Variants in PDK1 observed in about 807,000 individuals in gnomAD.
PDK1 encodes the protein [Pyruvate dehydrogenase (acetyl-transferring)] kinase isozyme 1, mitochondrial.
Under a neutral mutation model 54.2 loss-of-function variants are expected in PDK1, and 39 were observed. The ratio of observed to expected loss-of-function variants is 0.72; its 90% CI spans 0.56 to 0.94. The LOEUF is 0.94. PDK1 is among the 40% of genes least tolerant of loss of function. PDK1 has a pLI of 0.00. For synonymous variants in PDK1, 221 were observed against 207.1 expected, an observed-to-expected ratio of 1.07 and a Z score of -0.58; for missense variants, 552 against 566.0, an observed-to-expected ratio of 0.98 and a Z score of 0.25.
rs753072433 is a variant in PDK1 at position 172,595,950 on chromosome 2, C to T, written c.1292C>T (p.Thr431Met). The T allele has an allele frequency of 5.5e-5, 88 of 1,611,902 alleles. No individual in the cohort carries two copies. Among genetic ancestry groups the T allele is most frequent in the East Asian group, 8.9e-5 (4 of 44,864 alleles). ...CCCAGCAGAGAACCCAAAGACATGA[C>T]GACGTTCCGCAGTGCCTAGACACAC... ...CVPSREPKDM[T>M]TFRSA is the part of the protein sequence containing the mutation. Residue 431 changes from threonine (T) to methionine (M), a missense_variant, in exon 11 of 11, where the codon ACG becomes ATG. Transcript: ENST00000282077.
At chr2:172,715,204 C>T in the PDK1 span, among the ~76,000 whole-genome samples, 17 of 152,312 alleles carry the variant, frequency 1.1e-4, no homozygotes, top group East Asian at 3.3e-3. Context: ...CACTGACACC[C>T]CAGGCCAAGA....
At chr2:172,634,464 G>C in the PDK1 span, among the ~76,000 whole-genome samples, 523 of 151,372 alleles carry the variant, frequency 3.5e-3, 1 homozygote, top group Non-Finnish European at 5.3e-3. Context: ...GTAGAGACAG[G>C]GTTTCACCAT....
the PDK1 span, among the ~76,000 whole-genome samples, chr2:172,673,721 T>G: frequency 1.1e-3 from 163 of 152,186 alleles, no homozygotes; most frequent in Non-Finnish European, 7.3e-5. Flanking sequence ...GTCTGACATA[T>G]TGATAAAAGG....
downstream of PDK1, among the ~76,000 whole-genome samples, chr2:172,611,628 T>C (rs1691463261): frequency 2.6e-5 from 4 of 152,218 alleles, no homozygotes; most frequent in South Asian, 8.3e-4. Flanking sequence ...TTAATCTTTC[T>C]CATGAACTTA....
the PDK1 span, among the ~76,000 whole-genome samples, chr2:172,712,537 G>A: frequency 6.6e-6 from 1 of 152,214 alleles, no homozygotes; most frequent in East Asian, 1.9e-4. Flanking sequence ...GCGGTGGGGT[G>A]GGCAGTTCCA....
chr2:172,629,815 AG>A, the PDK1 span, among the ~76,000 whole-genome samples: 1 of 152,140 alleles, frequency 6.6e-6, no homozygotes, highest in Admixed American at 6.5e-5. Flanking sequence ...CCGATTGGCC[AG>A]AAGTGCTCAT....
the PDK1 span, among the ~76,000 whole-genome samples, chr2:172,668,918 G>T: frequency 3.2e-3 from 468 of 144,142 alleles, 2 homozygotes; most frequent in Non-Finnish European, 4.5e-3. Context: ...GAGAGAGAGA[G>T]AGAGAGAGAG....
chr2:172,649,627 G>A, the PDK1 span, among the ~76,000 whole-genome samples: 8,048 of 152,194 alleles, frequency 0.053, 406 homozygotes, highest in East Asian at 0.22. Context: ...AATAAAGAGC[G>A]TAGAGAAGTC....
At chr2:172,649,359 A>C in the PDK1 span, among the ~76,000 whole-genome samples, 1 of 152,358 alleles carries the variant, frequency 6.6e-6, no homozygotes, top group African/African-American at 2.4e-5. Flanking sequence ...AAAGGTAGAT[A>C]AAACCAAAAA....
At chr2:172,667,812 A>G in the PDK1 span, among the ~76,000 whole-genome samples, 1 of 152,230 alleles carries the variant, frequency 6.6e-6, no homozygotes, top group Non-Finnish European at 1.5e-5. Flanking sequence ...TCCTCAATAA[A>G]TAAAGCTTAA....
chr2:172,570,564 G>T, intron 7 of PDK1, 162 bp from the exon 8 acceptor site: 2 of 476,628 alleles, frequency 4.2e-6, no homozygotes, highest in Non-Finnish European at 3.7e-6. Context: ...CCCCCAAATT[G>T]ACTCCATTAA....
chr2:172,631,434 C>G, the PDK1 span, among the ~76,000 whole-genome samples: 266 of 152,352 alleles, frequency 1.7e-3, 5 homozygotes, highest in African/African-American at 6.1e-3. Context: ...TGCATGTGCA[C>G]TTAACATCCA....
intron 8 of PDK1, 77 bp downstream of exon 8, chr2:172,570,901 C>T (rs2149232260): frequency 1.3e-6 from 1 of 789,548 alleles, no homozygotes; most frequent in Non-Finnish European, 2.1e-6. Context: ...TAACCATACG[C>T]ATAATTTCTA....
At chr2:172,715,284 G>A in the PDK1 span, among the ~76,000 whole-genome samples, 2 of 152,178 alleles carry the variant, frequency 1.3e-5, no homozygotes, top group Admixed American at 6.5e-5. Context: ...AGGTGACTGG[G>A]AATGAGGAAC....
chr2:172,560,248 C>A (rs1284204195), intron 2 of PDK1, among the ~76,000 whole-genome samples: 1 of 152,226 alleles, frequency 6.6e-6, no homozygotes, highest in African/African-American at 2.4e-5. Context: ...CAGTCTTGAC[C>A]TCCTGGGGTC....
At chr2:172,593,709 A>T (rs1690732558) in intron 10 of PDK1, among the ~76,000 whole-genome samples, 1 of 152,192 alleles carries the variant, frequency 6.6e-6, no homozygotes, top group Admixed American at 6.5e-5. Context: ...CTTGGTAAGC[A>T]TATAGCTTAC....
At chr2:172,658,682 C>T in the PDK1 span, among the ~76,000 whole-genome samples, 1 of 152,038 alleles carries the variant, frequency 6.6e-6, no homozygotes, top group Non-Finnish European at 1.5e-5. Context: ...GAATTGCATT[C>T]CTGGGGGGAG....
the PDK1 span, among the ~76,000 whole-genome samples, chr2:172,690,475 A>G: frequency 2.7e-5 from 4 of 150,354 alleles, 1 homozygote; most frequent in South Asian, 6.4e-4. Flanking sequence ...TAGAATTACC[A>G]CTTGACCCAG....
At chr2:172,700,922 A>G in the PDK1 span, among the ~76,000 whole-genome samples, 64 of 152,190 alleles carry the variant, frequency 4.2e-4, 1 homozygote, top group Non-Finnish European at 3.7e-4. Context: ...AGAATCAGGC[A>G]GGGAGGTTGC....
Sources: allele counts gnomAD v4.1 joint callset (sites outside exome capture counted in the v4.1 genomes callset), GRCh38; gene constraint gnomAD v4.1.1; transcripts MANE v1.5; gene names NCBI Gene and HGNC (gene_info 2026-07-23, HGNC 2026-07-21).